The following NR2C2 variants were observed in gnomAD, a reference collection of about 807,000 sequenced individuals.
NR2C2 encodes nuclear receptor subfamily 2 group C member 2, also known as Nuclear hormone receptor TR4.
In NR2C2, 6 loss-of-function variants were observed where a neutral mutation model predicts 62.9. The observed-to-expected ratio is 0.10, with a 90% confidence interval of 0.05 to 0.19. NR2C2 has a LOEUF of 0.19. Among genes scored for constraint, NR2C2 ranks in the 10% least tolerant of loss-of-function variants. The probability of loss-of-function intolerance (pLI) is 1.00; values close to 1 mark genes in which losing one functional copy is unlikely to be tolerated. For missense variants in NR2C2, 479 were observed against 762.7 expected (o/e 0.63, Z 4.38); for synonymous variants, 272 against 273.8 (o/e 0.99, Z 0.07).
At position 15,020,913 on chromosome 3, in the gene NR2C2, G is replaced by A. The variant is rs141054676; in HGVS notation, c.537G>A (p.Glu179=). ...CQFCRLKKCL[E]MGMKMESVQS... is the part of the protein sequence containing the mutation. ...TTTGCCGGCTGAAAAAATGCTTAGAGATGGGCATGAAAATGGAATGTGAGT... is the reference window on the plus strand; with the variant it reads ...TTTGCCGGCTGAAAAAATGCTTAGAAATGGGCATGAAAATGGAATGTGAGT... Residue 179 remains glutamate, a synonymous_variant, in exon 5 of 14, where the codon GAG becomes GAA. Transcript: ENST00000425241. The A allele has an allele frequency of 3.7e-6, 6 of 1,614,012 alleles. No individual in the cohort carries two copies. The highest frequency in any genetic ancestry group is 5.1e-6 in the Non-Finnish European group (6 of 1,179,984).
In NR2C2 at chr3:15,043,219, G is replaced by A. The variant is rs1203747085; in HGVS notation, c.*211G>A. 1 of 388,682 alleles carries A rather than the reference G, an allele frequency of 2.6e-6. No individual in the cohort carries two copies. The highest frequency in any genetic ancestry group is 2.1e-5 in the African/African-American group (1 of 48,254). The allele number at this position is 388,682 out of a possible 1,614,324, so 24.1% of individuals were successfully genotyped here. On this transcript the variant is annotated 3_prime_UTR_variant, in exon 14 of 14. Transcript: ENST00000425241. The stretch of plus-strand genomic sequence containing the variant: ...AAGAAATGTTTTAATGCCTTTTGAT[G>A]AAGCAGCAGATTTTGGAACAATCTT...
intron 1 of NR2C2, among the ~76,000 whole-genome samples, chr3:14,981,248 C>A (rs1196156736): frequency 6.6e-6 from 1 of 152,138 alleles, no homozygotes; most frequent in Admixed American, 6.6e-5. Context: ...AGACGGATAT[C>A]CTGAGCCCAG....
At chr3:14,998,512 T>A (rs1166139701) in intron 1 of NR2C2, among the ~76,000 whole-genome samples, 1 of 152,240 alleles carries the variant, frequency 6.6e-6, no homozygotes, top group Non-Finnish European at 1.5e-5. Context: ...TTTCCCTAAC[T>A]AATGACCTTG....
chr3:15,038,877 A>G (rs2042176057), intron 12 of NR2C2: 1 of 438,256 alleles, frequency 2.3e-6, no homozygotes, highest in East Asian at 3.3e-5. Flanking sequence ...TCCAGAACCA[A>G]TCATGTGGGG....
chr3:15,003,895 C>G lies in NR2C2; in HGVS notation c.-20C>G. The G allele has an allele frequency of 6.2e-7, 1 of 1,613,598 alleles. No individual in the cohort carries two copies. The highest frequency in any genetic ancestry group is 8.5e-7 in the Non-Finnish European group (1 of 1,179,614). On this transcript the variant is annotated 5_prime_UTR_variant, in exon 2 of 14. Coordinates refer to ENST00000425241, the MANE Select transcript of NR2C2 (RefSeq NM_001291694.2). ...CCACAGGTAACACGTACACAGACCT[C>G]TCGGCCGGAATCTCCAGGGATGACC...
At chr3:15,030,030 A>G (rs1031143511) in intron 8 of NR2C2, among the ~76,000 whole-genome samples, 22 of 152,224 alleles carry the variant, frequency 1.4e-4, no homozygotes, top group African/African-American at 5.1e-4. Context: ...AATACATACA[A>G]GTTTTCATTG....
chr3:15,018,721 G>GATAT lies in NR2C2; in HGVS notation c.377-2027_377-2024dup, dbSNP rs774627443. On this transcript the variant is annotated intron_variant, in intron 4 of 13. Transcript: ENST00000425241. ...TCTACTGATTTTTGTATTTTTATGA[G>GATAT]ATATATATTTTTTGGCAGGGTGCGG... Among the ~76,000 whole-genome samples the GATAT allele has an allele frequency of 2.5e-3, 386 of 152,042 alleles. 1 individual carries two copies. Among genetic ancestry groups the GATAT allele is most frequent in the Non-Finnish European group, 4.4e-3 (297 of 67,978 alleles).
At position 15,032,088 on chromosome 3, in the gene NR2C2, A is replaced by C. The variant is rs947476768; in HGVS notation, c.1111-291A>C. Among the ~76,000 whole-genome samples, 33 of 152,334 alleles carry C rather than the reference A, an allele frequency of 2.2e-4. 4 individuals are homozygous for C. Among genetic ancestry groups the C allele is most frequent in the South Asian group, 2.1e-3 (10 of 4,824 alleles). ...ATGGCTCAAAATGGAATTGCCATAG[A>C]ACAAATAACAGTTTAGCTGAGGCAA... is the stretch of plus-strand genomic sequence containing the variant. On this transcript the variant is annotated intron_variant, in intron 9 of 13. Transcript: ENST00000425241.
At chr3:15,001,345 T>G (rs1177881162) in intron 1 of NR2C2, among the ~76,000 whole-genome samples, 2 of 147,596 alleles carry the variant, frequency 1.4e-5, no homozygotes, top group Non-Finnish European at 3.0e-5. Flanking sequence ...TTTTGGTTTT[T>G]TTTTTGGAGA....
At chr3:14,995,771 GAC>G (rs2040815617) in intron 1 of NR2C2, among the ~76,000 whole-genome samples, 1 of 152,052 alleles carries the variant, frequency 6.6e-6, no homozygotes, top group African/African-American at 2.4e-5. Flanking sequence ...TTTTCAAAGA[GAC>G]TGCACCATTT....
chr3:14,973,112 GATGTAAAAA>G (rs1425918125), intron 1 of NR2C2, among the ~76,000 whole-genome samples: 2 of 152,082 alleles, frequency 1.3e-5, no homozygotes, highest in African/African-American at 4.8e-5. Context: ...AGTGTCCTTT[GATGTAAAAA>G]AAGTTTTAAT....
intron 1 of NR2C2, among the ~76,000 whole-genome samples, chr3:14,996,691 C>T (rs2040841197): frequency 6.6e-6 from 1 of 152,202 alleles, no homozygotes; most frequent in Non-Finnish European, 1.5e-5. Context: ...CTGCCTCAGC[C>T]TCCCGAGTAG....
intron 1 of NR2C2, among the ~76,000 whole-genome samples, chr3:14,952,786 C>G (rs2039405308): frequency 6.6e-6 from 1 of 152,210 alleles, no homozygotes; most frequent in African/African-American, 2.4e-5. Context: ...CACTCTTTCC[C>G]CATATCCCAC....
intron 7 of NR2C2, chr3:15,026,894 T>C (rs1457394920): frequency 6.6e-6 from 1 of 152,088 alleles, no homozygotes; most frequent in Non-Finnish European, 1.5e-5. Context: ...TGAGATGGAG[T>C]CTCGCTCTGT....
chr3:15,008,056 A>C (rs1315573624), intron 2 of NR2C2, among the ~76,000 whole-genome samples: 1 of 152,138 alleles, frequency 6.6e-6, no homozygotes, highest in Non-Finnish European at 1.5e-5. Context: ...ACCTCATCTA[A>C]AGAGGTAGCC....
intron 1 of NR2C2, among the ~76,000 whole-genome samples, chr3:14,950,078 A>G (rs1344549621): frequency 6.6e-6 from 1 of 152,214 alleles, no homozygotes; most frequent in Non-Finnish European, 1.5e-5. Flanking sequence ...CCTGACATGT[A>G]GCAAATACTG....
intron 1 of NR2C2, among the ~76,000 whole-genome samples, chr3:14,997,006 T>A (rs1025635675): frequency 2.0e-5 from 3 of 152,240 alleles, no homozygotes; most frequent in Non-Finnish European, 4.4e-5. Context: ...AAATTTGGCC[T>A]GTTATTCTGC....
chr3:14,960,213 C>G (rs1325048902), intron 1 of NR2C2, among the ~76,000 whole-genome samples: 2 of 152,206 alleles, frequency 1.3e-5, no homozygotes, highest in Admixed American at 6.5e-5. Context: ...TTAAGGACTT[C>G]TGTTCATCAA....
intron 13 of NR2C2, 93 bp from the exon 14 acceptor site, chr3:15,042,741 T>C (rs1443605785): frequency 1.8e-6 from 2 of 1,101,144 alleles, no homozygotes; most frequent in African/African-American, 3.1e-5. Context: ...GGTTTGATTC[T>C]GTGCAATACA....
Sources: gnomAD v4.1 joint callset for allele counts (sites outside exome capture counted in the v4.1 genomes callset) on GRCh38, gnomAD v4.1.1 for gene constraint, MANE v1.5 for transcripts, NCBI Gene and HGNC (gene_info 2026-07-23, HGNC 2026-07-21) for gene names.